THAP3: variants seen among roughly 807,000 people sequenced by gnomAD.
THAP3 encodes THAP domain containing 3.
Under a neutral mutation model 17.7 loss-of-function variants are expected in THAP3, and 12 were observed. That is an observed-to-expected ratio of 0.68 (90% CI 0.43 to 1.10). The LOEUF is 1.10. Among genes scored for constraint, THAP3 ranks in the 50% least tolerant of loss-of-function variants. THAP3 has a pLI of 0.00. For missense variants in THAP3, 289 were observed against 318.0 expected, an observed-to-expected ratio of 0.91 and a Z score of 0.69; for synonymous variants, 133 against 126.9, an observed-to-expected ratio of 1.05 and a Z score of -0.32.
At chr1:6,627,628 G>A (rs1641500530) in intron 2 of THAP3, 1 of 152,394 alleles carries the variant, frequency 6.6e-6, no homozygotes, top group African/African-American at 2.4e-5. Flanking sequence ...GCCTCCCAAA[G>A]TGCTGGGATT....
rs1237981517 is a variant in THAP3 at position 6,630,871 on chromosome 1, C to T, written c.333+518C>T. On this transcript the variant is annotated intron_variant, in intron 4 of 5. Transcript: ENST00000054650. ...ATAGGTGTGAGCCACCGCGCCTGGG[C>T]CCCCACTTTTTTTTTTTTGTAGAGA... Among the ~76,000 whole-genome samples, 4 of 151,110 alleles carry T rather than the reference C, an allele frequency of 2.6e-5. No individual in the cohort carries two copies. The South Asian group carries it at 6.2e-4, about 24-fold the overall frequency.
At chr1:6,634,561 T>C (rs1641718351), downstream of THAP3, 3 of 1,365,348 alleles carry the variant, frequency 2.2e-6, no homozygotes, top group Non-Finnish European at 2.9e-6. Context: ...CTCCGAGGGG[T>C]CAGCAAGAGC....
intron 3 of THAP3, 104 bp downstream of exon 3, chr1:6,628,795 A>T: frequency 8.2e-7 from 1 of 1,213,420 alleles, no homozygotes; most frequent in Non-Finnish European, 1.1e-6. Context: ...AGCCAAGGCC[A>T]AGAACTCCAG....
At chr1:6,633,944 C>CTAAT (rs1641700158), downstream of THAP3, 2 of 1,350,782 alleles carry the variant, frequency 1.5e-6, no homozygotes, top group African/African-American at 2.9e-5. Context: ...CCTATTTTGT[C>CTAAT]TAATTTATAG....
chr1:6,631,724 C>T (rs916377865), intron 4 of THAP3, among the ~76,000 whole-genome samples: 15 of 152,020 alleles, frequency 9.9e-5, no homozygotes, highest in Admixed American at 2.6e-4. Flanking sequence ...GGCGAAACCC[C>T]GTCTCTACTA....
At chr1:6,630,695 C>T (rs1214583762) in intron 4 of THAP3, among the ~76,000 whole-genome samples, 7 of 152,156 alleles carry the variant, frequency 4.6e-5, no homozygotes, top group Non-Finnish European at 7.4e-5. Context: ...CTCAGCCTCC[C>T]GAGTAGCTGG....
intron 3 of THAP3, 98 bp from the exon 4 acceptor site, chr1:6,630,190 A>G: frequency 9.7e-7 from 1 of 1,027,372 alleles, no homozygotes; most frequent in Non-Finnish European, 1.5e-6. Context: ...TGGGGCATGC[A>G]GTGGGCCGAG....
downstream of THAP3, chr1:6,634,230 G>A (rs1288057306): frequency 6.6e-6 from 6 of 915,986 alleles, no homozygotes; most frequent in Non-Finnish European, 9.8e-6. Context: ...CAAATGAAAC[G>A]CAGAGGATGG....
rs979335020 is a variant in THAP3, at chr1:6,633,452, C to T, written c.*375C>T. The T allele has an allele frequency of 4.7e-5, 54 of 1,148,216 alleles. No homozygotes were observed. Among genetic ancestry groups the T allele is most frequent in the African/African-American group, 9.5e-5 (6 of 62,828 alleles). 71.1% of individuals were successfully genotyped at this position (1,148,216 alleles called of 1,614,324 possible). On this transcript the variant is annotated 3_prime_UTR_variant, in exon 6 of 6. Coordinates refer to ENST00000054650, the MANE Select transcript of THAP3 (RefSeq NM_001195753.2). ...CCATGTGAGGGGGCTGGCTCTGTGG[C>T]GGGTGAGTGGTCCCCTCCTCCATCA...
In THAP3 at chr1:6,632,901, CT is replaced by C; in HGVS notation, c.548del (p.Leu183TrpfsTer3). The C allele has an allele frequency of 1.9e-6, 3 of 1,612,968 alleles. No homozygotes were observed. In the South Asian group the frequency reaches 3.3e-5, roughly 18 times the overall value. ...NKQPSDHSYA[L>X]LDLDSLKKKL... Reference sequence around the variant, plus strand: ...GCAGCCATCTGATCACAGCTATGCCCTTTTGGACTTAGATTCCCTGAAGAAA... The same window carrying C: ...GCAGCCATCTGATCACAGCTATGCCCTTTGGACTTAGATTCCCTGAAGAAA... On this transcript the variant is annotated frameshift_variant, in exon 6 of 6. Transcript: ENST00000054650. LOFTEE classifies it low-confidence loss of function (END_TRUNC).
Position 6,625,192 on chromosome 1 carries a change from G to T in THAP3, c.-27G>T. On this transcript the variant is annotated 5_prime_UTR_variant, in exon 2 of 6. Transcript: ENST00000054650. ...AGGCCCCGCCGCCGCCGCCATCTTT[G>T]TTGGGGGCAGCCAGGCCTGGCTCGA... The T allele has an allele frequency of 1.3e-6, 2 of 1,535,290 alleles. No individual in the cohort carries two copies. The highest frequency in any genetic ancestry group is 1.2e-5 in the South Asian group (1 of 83,278).
chr1:6,627,372 C>T (rs537385972), intron 2 of THAP3, among the ~76,000 whole-genome samples: 2 of 152,120 alleles, frequency 1.3e-5, no homozygotes, highest in South Asian at 2.1e-4. Context: ...AAAAAACAAA[C>T]TTCTTTTTTT....
Position 6,632,941 on chromosome 1 carries a change from C to T in THAP3, c.584C>T (p.Thr195Ile). Residue 195 changes from threonine to isoleucine, a missense_variant, in exon 6 of 6, where the codon ACT becomes ATT. Transcript: ENST00000054650. ...TCCCTGAAGAAAAAACTCTTCCTCA[C>T]TCTGAAGGAAAATGAAAAGCTCCGG... ...LDSLKKKLFL[T>I]LKENEKLRKR... The T allele has an allele frequency of 6.2e-7, 1 of 1,612,974 alleles. No individual in the cohort carries two copies.
intron 4 of THAP3, 35 bp from the exon 5 acceptor site, chr1:6,632,356 G>C: frequency 6.2e-7 from 1 of 1,612,040 alleles, no homozygotes; most frequent in South Asian, 1.1e-5. Context: ...TGCATGTGCA[G>C]GGCTGTAGTG....
chr1:6,634,301 A>G, downstream of THAP3: 2 of 926,694 alleles, frequency 2.2e-6, no homozygotes, highest in Non-Finnish European at 3.1e-6. Context: ...CTCATGCAAC[A>G]CGACGCTCAC....
downstream of THAP3, chr1:6,633,646 T>C (rs926103857): frequency 5.0e-5 from 51 of 1,013,128 alleles, no homozygotes; most frequent in Non-Finnish European, 5.7e-5. Flanking sequence ...CAGTGGCTCA[T>C]GCCTGTAATC....
Position 6,632,896 on chromosome 1 carries a change from A to G in THAP3, c.539A>G (p.Tyr180Cys), listed in dbSNP as rs775951800. 6.2e-7 allele frequency: 1 copy of G among 1,612,856 alleles called. No homozygotes were observed. The highest frequency in any genetic ancestry group is 1.1e-5 in the South Asian group (1 of 91,092). The change falls in exon 6 of 6, where the codon TAT becomes TGT. Residue 180 changes from tyrosine (Y) to cysteine (C), a missense_variant. Transcript: ENST00000054650. ...AACAAGCAGCCATCTGATCACAGCTATGCCCTTTTGGACTTAGATTCCCTG... is the reference window on the plus strand; with the variant it reads ...AACAAGCAGCCATCTGATCACAGCTGTGCCCTTTTGGACTTAGATTCCCTG... ...TPNKQPSDHS[Y>C]ALLDLDSLKK...
chr1:6,629,651 T>A (rs1032087802), intron 3 of THAP3: 1 of 152,840 alleles, frequency 6.5e-6, no homozygotes, highest in Non-Finnish European at 1.5e-5. Context: ...AGAATCTCCA[T>A]GAGGGCAGGG....
intron 3 of THAP3, 55 bp downstream of exon 3, chr1:6,628,746 G>A: frequency 6.5e-7 from 1 of 1,527,904 alleles, no homozygotes; most frequent in South Asian, 1.2e-5. Flanking sequence ...TTGTTTACCA[G>A]CAGCTGGGGG....
Sources: allele counts gnomAD v4.1 joint callset (sites outside exome capture counted in the v4.1 genomes callset), GRCh38; gene constraint gnomAD v4.1.1; transcripts MANE v1.5; gene names NCBI Gene and HGNC (gene_info 2026-07-23, HGNC 2026-07-21).